The following KLHL20 variants were observed in gnomAD, a reference collection of about 807,000 sequenced individuals.
KLHL20 encodes kelch like family member 20.
KLHL20 carries 29 observed loss-of-function variants against 69.5 expected under a neutral mutation model. The observed-to-expected ratio is 0.42, with a 90% confidence interval of 0.31 to 0.57. The LOEUF (loss-of-function observed/expected upper bound fraction) is 0.57, where lower values mean the gene tolerates loss of function less well. Among genes scored for constraint, KLHL20 ranks in the 20% least tolerant of loss-of-function variants. KLHL20 has a pLI of 0.18. For synonymous variants in KLHL20, 253 were observed against 265.2 expected (o/e 0.95, Z 0.45); for missense variants, 419 against 776.0 (o/e 0.54, Z 5.47).
At chr1:173,725,501 A>G (rs184419898) in intron 2 of KLHL20, among the ~76,000 whole-genome samples, 3 of 152,350 alleles carry the variant, frequency 2.0e-5, no homozygotes, top group Non-Finnish European at 4.4e-5. Context: ...TAAAACTTAT[A>G]GACACATACA....
chr1:173,753,191 A>C (rs973558163), intron 4 of KLHL20, 22 bp from the exon 5 acceptor site: 2 of 1,581,610 alleles, frequency 1.3e-6, no homozygotes, highest in Non-Finnish European at 1.7e-6. Context: ...TAATTAAAAT[A>C]ATGGTGTTTA....
rs113477345 is a variant in KLHL20, at chr1:173,723,097, T to C, written c.23+7031T>C. ...TCTCAGTTCAACAGTAGCATCTTTA[T>C]GTATGTAACTAAGGTTGTGACAATA... On this transcript the variant is annotated intron_variant, in intron 2 of 11. Transcript: ENST00000209884. Among the ~76,000 whole-genome samples the C allele has an allele frequency of 9.4e-3, 1,427 of 152,352 alleles. 21 individuals are homozygous for C. Among genetic ancestry groups the C allele is most frequent in the African/African-American group, 0.031 (1,287 of 41,586 alleles).
chr1:173,721,684 A>G (rs1457281643), intron 2 of KLHL20, among the ~76,000 whole-genome samples: 1 of 152,228 alleles, frequency 6.6e-6, no homozygotes, highest in Admixed American at 6.5e-5. Context: ...CTTGGGACTA[A>G]AACATTCACA....
In KLHL20 at chr1:173,748,778, C is replaced by G. The variant is rs544617097; in HGVS notation, c.598-2986C>G. ...AAAATCAGAAAAAAAAAAGAATTCT[C>G]TGCTTCAGAACGTTCTTGGATTATG... is the stretch of plus-strand genomic sequence containing the variant. On this transcript the variant is annotated intron_variant, in intron 3 of 11. Coordinates refer to ENST00000209884, the MANE Select transcript of KLHL20 (RefSeq NM_014458.4). Among the ~76,000 whole-genome samples the G allele has an allele frequency of 3.0e-4, 45 of 152,126 alleles. No homozygotes were observed. In the South Asian group the frequency reaches 7.7e-3, roughly 26 times the overall value.
At chr1:173,781,715 C>A (rs78053743) in intron 10 of KLHL20, among the ~76,000 whole-genome samples, 7 of 152,170 alleles carry the variant, frequency 4.6e-5, no homozygotes, top group Non-Finnish European at 7.3e-5. Flanking sequence ...GATGCTCCCA[C>A]CTGGGCCTTC....
intron 8 of KLHL20, among the ~76,000 whole-genome samples, chr1:173,772,824 A>G (rs1332425061): frequency 2.0e-5 from 3 of 152,214 alleles, no homozygotes; most frequent in Non-Finnish European, 2.9e-5. Context: ...CATAAAAAGG[A>G]CAGAGCAACA....
chr1:173,763,944 AACAG>A (rs548407064), intron 7 of KLHL20, among the ~76,000 whole-genome samples: 61 of 152,304 alleles, frequency 4.0e-4, no homozygotes, highest in African/African-American at 1.4e-3. Flanking sequence ...CAGCAAAGTA[AACAG>A]ACAATCCACA....
intron 1 of KLHL20, 67 bp from the exon 2 acceptor site, chr1:173,715,936 T>C: frequency 8.0e-6 from 9 of 1,129,470 alleles, no homozygotes; most frequent in Non-Finnish European, 1.2e-5. Flanking sequence ...GAAATGATTA[T>C]ATAAAGATTG....
chr1:173,753,153 A>G, intron 4 of KLHL20, 60 bp from the exon 5 acceptor site: 2 of 1,362,092 alleles, frequency 1.5e-6, no homozygotes, highest in South Asian at 2.4e-5. Flanking sequence ...AGCCTAGGCA[A>G]CAGAGTAAGA....
intron 3 of KLHL20, among the ~76,000 whole-genome samples, chr1:173,747,284 A>C (rs912172643): frequency 6.6e-6 from 1 of 151,880 alleles, no homozygotes; most frequent in Non-Finnish European, 1.5e-5. Flanking sequence ...AAAGTCTCTT[A>C]TTATCAGTGT....
At chr1:173,757,941 G>A (rs1362996434) in intron 7 of KLHL20, among the ~76,000 whole-genome samples, 2 of 152,188 alleles carry the variant, frequency 1.3e-5, no homozygotes, top group Non-Finnish European at 2.9e-5. Flanking sequence ...TCAAGAAGCT[G>A]TGTTGATTAA....
chr1:173,778,179 G>A (rs998614069), intron 10 of KLHL20, among the ~76,000 whole-genome samples: 9 of 151,936 alleles, frequency 5.9e-5, no homozygotes, highest in Non-Finnish European at 2.9e-5. Flanking sequence ...CCATCAACTC[G>A]TCATTTACAT....
chr1:173,753,968 T>G (rs1673422895), intron 5 of KLHL20, among the ~76,000 whole-genome samples: 1 of 152,208 alleles, frequency 6.6e-6, no homozygotes, highest in Non-Finnish European at 1.5e-5. Context: ...CATCTGGGAT[T>G]GTTAACCATT....
chr1:173,777,615 C>G (rs1477991148), intron 10 of KLHL20, among the ~76,000 whole-genome samples: 2 of 152,216 alleles, frequency 1.3e-5, no homozygotes, highest in East Asian at 3.9e-4. Flanking sequence ...GGGTTTTTAT[C>G]ATGAAGGGAT....
At chr1:173,765,189 ATTTGATAGGATT>A (rs980824642) in intron 7 of KLHL20, among the ~76,000 whole-genome samples, 16 of 152,200 alleles carry the variant, frequency 1.1e-4, no homozygotes, top group African/African-American at 3.9e-4. Context: ...AAAAAGAGCA[ATTTGATAGGATT>A]TTTAAAAATT....
chr1:173,753,406 A>G lies in KLHL20; in HGVS notation c.851+99A>G, dbSNP rs6425256. On this transcript the variant is annotated intron_variant, in intron 5 of 11. Coordinates refer to ENST00000209884, the MANE Select transcript of KLHL20 (RefSeq NM_014458.4). ...GCTTCCTAAATATTGTATTTTGCAG[A>G]GCTGAAACCAGGGCTTTAATTTAAC... 0.022 allele frequency: 18,532 copies of G among 846,602 alleles called. 2,098 individuals carry two copies. In the African/African-American group the frequency reaches 0.26, roughly 12 times the overall value. 52.4% of individuals were successfully genotyped at this position (846,602 alleles called of 1,614,324 possible).
chr1:173,756,163 A>G (rs1252202626), intron 6 of KLHL20, 125 bp downstream of exon 6: 10 of 669,694 alleles, frequency 1.5e-5, no homozygotes, highest in Admixed American at 2.6e-5. Flanking sequence ...GTCAGCATAT[A>G]GCTTGACTCA....
At position 173,728,058 on chromosome 1, in the gene KLHL20, C is replaced by G. The variant is rs1571857647; in HGVS notation, c.24-5655C>G. Among the ~76,000 whole-genome samples, 3 of 152,276 alleles carry G rather than the reference C, an allele frequency of 2.0e-5. No individual in the cohort carries two copies. The Middle Eastern group carries it at 0.01, about 518-fold the overall frequency. The stretch of plus-strand genomic sequence containing the variant: ...TCAAAATAAAGGGATGGAGGAAGAT[C>G]TACCAAGCAAATGGAAAACAAAGGC... On this transcript the variant is annotated intron_variant, in intron 2 of 11. Coordinates refer to ENST00000209884, the MANE Select transcript of KLHL20 (RefSeq NM_014458.4).
chr1:173,723,020 A>G (rs1164810265), intron 2 of KLHL20, among the ~76,000 whole-genome samples: 1 of 152,168 alleles, frequency 6.6e-6, no homozygotes. Flanking sequence ...AAACGGAGAC[A>G]TTAGCTTAGT....
Sources: gnomAD v4.1 joint callset for allele counts (sites outside exome capture counted in the v4.1 genomes callset) on GRCh38, gnomAD v4.1.1 for gene constraint, MANE v1.5 for transcripts, NCBI Gene and HGNC (gene_info 2026-07-23, HGNC 2026-07-21) for gene names.